The following EIF4A1 variants were observed in gnomAD, a reference collection of about 807,000 sequenced individuals.
EIF4A1 encodes eukaryotic initiation factor 4A-I.
Under a neutral mutation model 53.5 loss-of-function variants are expected in EIF4A1, and 11 were observed. The observed-to-expected ratio is 0.21, with a 90% CI of 0.13 to 0.34. The LOEUF (loss-of-function observed/expected upper bound fraction) is 0.34, where lower values mean the gene tolerates loss of function less well. Ranked by LOEUF, EIF4A1 falls within the 10% of genes least tolerant of loss-of-function variation. The pLI is 1.00. For synonymous variants in EIF4A1, 237 were observed against 186.7 expected, an observed-to-expected ratio of 1.27 and a Z score of -2.20; for missense variants, 213 against 530.8, an observed-to-expected ratio of 0.40 and a Z score of 5.88.
chr17:7,573,973 A>G, intron 1 of EIF4A1: 1 of 440,094 alleles, frequency 2.3e-6, no homozygotes, highest in Non-Finnish European at 4.1e-6. Flanking sequence ...GGCGGCAAGC[A>G]CCACCTCTGG....
chr17:7,574,156 C>A, intron 1 of EIF4A1, 104 bp from the exon 2 acceptor site: 1 of 1,319,756 alleles, frequency 7.6e-7, no homozygotes, highest in Admixed American at 1.9e-5. Flanking sequence ...TCTGGGACAG[C>A]AGATTGATGG....
At chr17:7,573,210 G>C in intron 1 of EIF4A1, 1 of 466,082 alleles carries the variant, frequency 2.1e-6, no homozygotes, top group Non-Finnish European at 3.9e-6. Flanking sequence ...GTGTGGCCCA[G>C]AGCCGGCAGG....
intron 1 of EIF4A1, 57 bp downstream of exon 1, chr17:7,572,921 G>T: frequency 6.2e-7 from 1 of 1,614,076 alleles, no homozygotes. Flanking sequence ...CCCTTCCGAC[G>T]GGCCCGCCGG....
Position 7,577,982 on chromosome 17 carries a change from A to T in EIF4A1, c.996+66A>T. 2 of 1,601,594 alleles carry T rather than the reference A, an allele frequency of 1.2e-6. No individual in the cohort carries two copies. Among genetic ancestry groups the T allele is most frequent in the Non-Finnish European group, 8.6e-7 (1 of 1,168,772 alleles). On this transcript the variant is annotated intron_variant, in intron 9 of 10. Coordinates refer to ENST00000293831, the MANE Select transcript of EIF4A1 (RefSeq NM_001416.4). This position sits in a 1 kb window ranked among gnomAD's most constrained non-coding sequence, Gnocchi z 4.7. ...CCAAGGTGATTCCCTCTCCAAGGGG[A>T]CATCAGTGCCTCTCAGGAAAGTAGC...
intron 1 of EIF4A1, 86 bp from the exon 2 acceptor site, chr17:7,574,174 C>T (rs1249774659): frequency 2.0e-6 from 3 of 1,508,862 alleles, no homozygotes; most frequent in Non-Finnish European, 2.8e-6. Context: ...TGGCATCATG[C>T]AGGCCACTCC....
chr17:7,574,873 A>G, intron 3 of EIF4A1, 195 bp downstream of exon 3: 2 of 1,102,276 alleles, frequency 1.8e-6, no homozygotes, highest in Admixed American at 1.7e-5. Flanking sequence ...GTGGTATTGT[A>G]GCCAGCTTAT....
At chr17:7,574,948 G>C in intron 3 of EIF4A1, 171 bp from the exon 4 acceptor site, 1 of 1,064,720 alleles carries the variant, frequency 9.4e-7, no homozygotes, top group Non-Finnish European at 1.4e-6. Flanking sequence ...TTAATAACTG[G>C]TCCTTGTTTC....
At chr17:7,576,399 A>G in intron 4 of EIF4A1, 125 bp from the exon 5 acceptor site, 1 of 1,260,234 alleles carries the variant, frequency 7.9e-7, no homozygotes, top group South Asian at 1.7e-5. Flanking sequence ...TCTCAGCTGA[A>G]TGTGAGTTTA....
chr17:7,576,492 T>G (rs1310275386), intron 4 of EIF4A1, 32 bp from the exon 5 acceptor site: 1 of 1,527,982 alleles, frequency 6.5e-7, no homozygotes, highest in Non-Finnish European at 8.8e-7. Flanking sequence ...CAGTGGTAAC[T>G]GACATATGAG....
rs3209632 is a variant in EIF4A1, at chr17:7,578,628, G to A, written c.*142G>A. 5 of 1,030,928 alleles carry A rather than the reference G, an allele frequency of 4.9e-6. No homozygotes were observed. Among genetic ancestry groups the A allele is most frequent in the Non-Finnish European group, 6.5e-6 (5 of 772,052 alleles). The allele number at this position is 1,030,928 out of a possible 1,614,324, so 63.9% of individuals were successfully genotyped here. On this transcript the variant is annotated 3_prime_UTR_variant, in exon 11 of 11. Transcript: ENST00000293831. ...ATAAATGTCACTTTTTGAGGCAAAA[G>A]AAGGAACCGTGAACATTTTAGACAC...
In EIF4A1 at chr17:7,576,526, A is replaced by G; in HGVS notation, c.348A>G (p.Ile116Met). The part of the protein sequence containing the change: ...LAPTRELAQQ[I>M]QKVVMALGDY... ...AGCACCTGCCTCTCTCTGCTCAGAT[A>G]CAGAAGGTGGTCATGGCACTAGGAG... Residue 116 changes from isoleucine to methionine, a missense_variant and splice_region_variant, in exon 5 of 11, where the codon ATA becomes ATG. Around this residue, in one of 4 missense-constraint regions of EIF4A1, gnomAD observed 119 missense variants for 351.0 expected, o/e 0.34. Transcript: ENST00000293831. The G allele has an allele frequency of 6.3e-7, 1 of 1,580,804 alleles. No individual in the cohort carries two copies. The highest frequency in any genetic ancestry group is 8.6e-7 in the Non-Finnish European group (1 of 1,161,616).
rs759145600 is a variant in EIF4A1 at position 7,574,240 on chromosome 17, C to T, written c.24-20C>T. 2 of 1,614,016 alleles carry T rather than the reference C, an allele frequency of 1.2e-6. No individual in the cohort carries two copies. The highest frequency in any genetic ancestry group is 2.2e-5 in the South Asian group (2 of 91,074). ...TGCTTCGGTCGGGCAGGGGACAAAA[C>T]TTATGCTTTAAACCAACAGATCCAG... On this transcript the variant is annotated intron_variant, in intron 1 of 10. Transcript: ENST00000293831.
In EIF4A1 at chr17:7,576,643, C is replaced by T. The variant is rs771726437; in HGVS notation, c.465C>T (p.Ile155=). The T allele has an allele frequency of 1.9e-5, 31 of 1,613,616 alleles. 2 individuals are homozygous for T. Among genetic ancestry groups the T allele is most frequent in the East Asian group, 1.3e-4 (6 of 44,886 alleles). ...QKLQMEAPHI[I]VGTPGRVFDM... ...TGCAGATGGAAGCTCCCCACATCAT[C>T]GTGGGTACCCCTGGCCGTGTGTTTG... Residue 155 remains isoleucine, a synonymous_variant, in exon 5 of 11, where the codon ATC becomes ATT. Coordinates refer to ENST00000293831, the MANE Select transcript of EIF4A1 (RefSeq NM_001416.4).
chr17:7,574,922 T>G, intron 3 of EIF4A1, 197 bp from the exon 4 acceptor site: 2 of 1,007,104 alleles, frequency 2.0e-6, no homozygotes, highest in Non-Finnish European at 3.1e-6. Flanking sequence ...CAGCTTGGTG[T>G]GCAATACTAG....
rs779627306 is a variant in EIF4A1 at position 7,572,848 on chromosome 17, G to A, written c.7G>A (p.Ala3Thr). 9 of 1,614,070 alleles carry A rather than the reference G, an allele frequency of 5.6e-6. No homozygotes were observed. The highest frequency in any genetic ancestry group is 4.5e-5 in the East Asian group (2 of 44,896). The change falls in exon 1 of 11, where the codon GCG becomes ACG. Residue 3 changes from alanine to threonine, a missense_variant. By Grantham distance (58) the Ala-to-Thr change is moderately conservative (BLOSUM62 0). Around this residue, in one of 4 missense-constraint regions of EIF4A1, gnomAD observed 53 missense variants for 34.0 expected, o/e 1.56. Coordinates refer to ENST00000293831, the MANE Select transcript of EIF4A1 (RefSeq NM_001416.4). MS[A>T]SQDSRSRDNG... ...GCCCTAGTTTCTAAGGATCATGTCTGCGAGCCAGGATTCCCGGTAAGAAAG... is the reference window on the plus strand; with the variant it reads ...GCCCTAGTTTCTAAGGATCATGTCTACGAGCCAGGATTCCCGGTAAGAAAG...
In EIF4A1 at chr17:7,576,476, C is replaced by G. The variant is rs375292165; in HGVS notation, c.346-48C>G. 39 of 1,504,362 alleles carry G rather than the reference C, an allele frequency of 2.6e-5. No homozygotes were observed. In the African/African-American group the frequency reaches 4.2e-4, roughly 16 times the overall value. 93.2% of individuals were successfully genotyped at this position (1,504,362 alleles called of 1,614,324 possible). On this transcript the variant is annotated intron_variant, in intron 4 of 10. Transcript: ENST00000293831. ...CATGAAAAACATTTAAGAATGGTGCCGGGCACAGTGGTAACTGACATATGA... is the reference window on the plus strand; with the variant it reads ...CATGAAAAACATTTAAGAATGGTGCGGGGCACAGTGGTAACTGACATATGA...
Position 7,574,441 on chromosome 17 carries a change from G to A in EIF4A1, c.73-105G>A, listed in dbSNP as rs527247975. The A allele has an allele frequency of 6.9e-6, 11 of 1,601,508 alleles. No homozygotes were observed. In the African/African-American group the frequency reaches 9.4e-5, roughly 14 times the overall value. ...TTCCCTAAAGGGAGGAGGGTTGTAA[G>A]CTCTGAGGCTTTTGTTAGTAGGCAC... is the stretch of plus-strand genomic sequence containing the variant. On this transcript the variant is annotated intron_variant, in intron 2 of 10. Coordinates refer to ENST00000293831, the MANE Select transcript of EIF4A1 (RefSeq NM_001416.4).
intron 5 of EIF4A1, 88 bp from the exon 6 acceptor site, chr17:7,576,966 CCT>C (rs773728179): frequency 1.8e-5 from 26 of 1,482,184 alleles, no homozygotes; most frequent in East Asian, 1.1e-4. Context: ...CTACTTGGCT[CCT>C]CTCTGTTTTT....
rs2071372238 is a variant in EIF4A1, at chr17:7,574,411, C to T, written c.72+103C>T. 3.1e-6 allele frequency: 5 copies of T among 1,605,380 alleles called. No individual in the cohort carries two copies. In the Admixed American group the frequency reaches 5.0e-5, roughly 16 times the overall value. On this transcript the variant is annotated intron_variant, in intron 2 of 10. Coordinates refer to ENST00000293831, the MANE Select transcript of EIF4A1 (RefSeq NM_001416.4). ...GATTTCCCAGATCATCTAGAAGCAGCTGGTTTCCCTAAAGGGAGGAGGGTT... is the reference window on the plus strand; with the variant it reads ...GATTTCCCAGATCATCTAGAAGCAGTTGGTTTCCCTAAAGGGAGGAGGGTT...
Sources: allele counts gnomAD v4.1 joint callset, GRCh38; gene constraint gnomAD v4.1.1; regional missense constraint gnomAD v4.1.1; non-coding constraint Gnocchi (gnomAD v3.1); transcripts MANE v1.5; gene names NCBI Gene and HGNC (gene_info 2026-07-23, HGNC 2026-07-21).